TAFA2: variants seen among roughly 807,000 people sequenced by gnomAD.
The protein encoded by TAFA2 is chemokine-like protein TAFA-2.
TAFA2 carries 7 observed loss-of-function variants against 18.8 expected under a neutral mutation model. That is an observed-to-expected ratio of 0.37 (90% CI 0.21 to 0.70). TAFA2 has a LOEUF of 0.70. Ranked by LOEUF, TAFA2 falls within the 30% of genes least tolerant of loss-of-function variation. The pLI is 0.53. For missense variants in TAFA2, 122 were observed against 158.1 expected, an observed-to-expected ratio of 0.77 and a Z score of 1.23; for synonymous variants, 60 against 54.2, an observed-to-expected ratio of 1.11 and a Z score of -0.47.
chr12:61,817,299 A>G (rs1427773006), intron 2 of TAFA2, among the ~76,000 whole-genome samples: 1 of 152,122 alleles, frequency 6.6e-6, no homozygotes, highest in African/African-American at 2.4e-5. Flanking sequence ...TATTTTCCTA[A>G]CCTACCTTCA....
chr12:62,104,880 T>G (rs1592337816), intron 1 of TAFA2: 1 of 310,216 alleles, frequency 3.2e-6, no homozygotes, highest in Non-Finnish European at 6.5e-6. Context: ...GAGATTGAGT[T>G]GCTATCTCCC....
At chr12:61,811,692 C>T (rs2198778) in intron 2 of TAFA2, among the ~76,000 whole-genome samples, 151,291 of 151,300 alleles carry the variant, frequency 1, 75,641 homozygotes, top group Middle Eastern at 1. Context: ...GCATACTCTT[C>T]GTAGAAAATT....
At chr12:61,802,583 G>C (rs1871443481) in intron 2 of TAFA2, among the ~76,000 whole-genome samples, 1 of 151,962 alleles carries the variant, frequency 6.6e-6, no homozygotes, top group Non-Finnish European at 1.5e-5. Context: ...GAGTAGAACT[G>C]TGGTTATCAA....
At chr12:61,973,202 C>T (rs147721504) in intron 1 of TAFA2, among the ~76,000 whole-genome samples, 353 of 151,636 alleles carry the variant, frequency 2.3e-3, no homozygotes, top group Non-Finnish European at 3.2e-3. Context: ...CCTGTGAATG[C>T]AAATTAAAAG....
At chr12:61,783,619 A>G (rs1452246315) in intron 2 of TAFA2, among the ~76,000 whole-genome samples, 1 of 151,624 alleles carries the variant, frequency 6.6e-6, no homozygotes, top group Non-Finnish European at 1.5e-5. Context: ...AATGTTACTT[A>G]CTTTATTAAT....
At chr12:61,922,662 C>T (rs1320682862) in intron 1 of TAFA2, among the ~76,000 whole-genome samples, 1 of 152,186 alleles carries the variant, frequency 6.6e-6, no homozygotes, top group East Asian at 1.9e-4. Context: ...AAGCACAAAA[C>T]AGGGCGACCA....
chr12:62,146,853 G>A (rs2062285091), intron 1 of TAFA2, among the ~76,000 whole-genome samples: 1 of 151,928 alleles, frequency 6.6e-6, no homozygotes, highest in South Asian at 2.1e-4. Flanking sequence ...TCTTCTTTTG[G>A]GAGCTTTAAA....
intron 1 of TAFA2, among the ~76,000 whole-genome samples, chr12:61,904,030 CTCT>C (rs1207466252): frequency 2.6e-5 from 4 of 152,126 alleles, no homozygotes; most frequent in Non-Finnish European, 4.4e-5. Flanking sequence ...ATCTTCAAAG[CTCT>C]TCTTTTCAGA....
chr12:61,992,097 G>A (rs1446011225), intron 1 of TAFA2, among the ~76,000 whole-genome samples: 1 of 152,068 alleles, frequency 6.6e-6, no homozygotes, highest in Non-Finnish European at 1.5e-5. Flanking sequence ...CTATTATGCA[G>A]TCTTAAAAAA....
chr12:61,937,891 C>A (rs1877838073), intron 1 of TAFA2, among the ~76,000 whole-genome samples: 1 of 151,954 alleles, frequency 6.6e-6, no homozygotes, highest in Non-Finnish European at 1.5e-5. Context: ...AGAATATTAA[C>A]AAACTATGCC....
At chr12:61,818,800 T>C (rs988101794) in intron 2 of TAFA2, among the ~76,000 whole-genome samples, 16 of 152,228 alleles carry the variant, frequency 1.1e-4, no homozygotes, top group Non-Finnish European at 1.5e-5. Flanking sequence ...TATAATTTTG[T>C]TGTATGTCAA....
rs1483694143 is a variant in TAFA2 at position 61,880,225 on chromosome 12, G to A, written c.-1-12799C>T. On this transcript the variant is annotated intron_variant, in intron 1 of 4. Coordinates refer to ENST00000416284, the MANE Select transcript of TAFA2 (RefSeq NM_178539.5). Reference sequence around the variant, plus strand: ...CCAGGAAGCACGGGGATAACCTGAGGTGTACAAAGACTGACATCTCCGAGA... The same window carrying A: ...CCAGGAAGCACGGGGATAACCTGAGATGTACAAAGACTGACATCTCCGAGA... 11 of 490,912 alleles carry A rather than the reference G, an allele frequency of 2.2e-5. No individual in the cohort carries two copies. The Middle Eastern group carries it at 2.6e-3, about 115-fold the overall frequency. The allele number at this position is 490,912 out of a possible 1,614,324, so 30.4% of individuals were successfully genotyped here. A position where few individuals can be genotyped will look rare whatever the true frequency, so the allele number is the denominator to read the frequency against.
intron 1 of TAFA2, among the ~76,000 whole-genome samples, chr12:62,040,627 C>G (rs528664077): frequency 2.6e-5 from 4 of 152,180 alleles, no homozygotes; most frequent in African/African-American, 9.6e-5. Context: ...CTGTGCAACA[C>G]CTTGATTTTG....
chr12:62,221,216 GGGAAGGAAGGAA>G lies in TAFA2; in HGVS notation c.-130+37535_-130+37546del, dbSNP rs371693194. Among the ~76,000 whole-genome samples the G allele has an allele frequency of 9.1e-3, 721 of 78,836 alleles. 8 individuals are homozygous for G. Among genetic ancestry groups the G allele is most frequent in the African/African-American group, 0.029 (617 of 21,120 alleles). 51.7% of individuals were successfully genotyped at this position (78,836 alleles called of 152,430 possible). ...AAGGAAGGAGGGAAGGAAGGAAGGG[GGGAAGGAAGGAA>G]GGAAGGAAGGAAGGAAGGAAGGAAG... On this transcript the variant is annotated intron_variant, in intron 1 of 5. Transcript: ENST00000551619.
chr12:62,026,874 T>A (rs1478026343), intron 1 of TAFA2, among the ~76,000 whole-genome samples: 1 of 152,144 alleles, frequency 6.6e-6, no homozygotes, highest in Non-Finnish European at 1.5e-5. Flanking sequence ...TTAAACAGCA[T>A]GAGATAAATC....
intron 1 of TAFA2, among the ~76,000 whole-genome samples, chr12:62,123,247 C>T (rs1322148486): frequency 6.6e-6 from 1 of 152,154 alleles, no homozygotes; most frequent in Non-Finnish European, 1.5e-5. Flanking sequence ...GCACTAGAAG[C>T]TCAATAAGTC....
At chr12:61,793,983 C>G (rs1023383490) in intron 2 of TAFA2, among the ~76,000 whole-genome samples, 1 of 151,784 alleles carries the variant, frequency 6.6e-6, no homozygotes, top group African/African-American at 2.4e-5. Context: ...AAACTTTTGA[C>G]AAAATACAAT....
intron 2 of TAFA2, among the ~76,000 whole-genome samples, chr12:61,818,738 A>T (rs571324429): frequency 1.3e-5 from 2 of 152,294 alleles, no homozygotes; most frequent in South Asian, 4.1e-4. Context: ...TTTAATATCC[A>T]AAGACTCTAT....
intron 2 of TAFA2, among the ~76,000 whole-genome samples, chr12:61,794,947 G>A (rs910095071): frequency 5.9e-5 from 9 of 152,140 alleles, no homozygotes; most frequent in Non-Finnish European, 1.5e-5. Flanking sequence ...CTCAAAAGAA[G>A]ACATTTATGC....
Sources: gnomAD v4.1 joint callset for allele counts (sites outside exome capture counted in the v4.1 genomes callset) on GRCh38, gnomAD v4.1.1 for gene constraint, MANE v1.5 for transcripts, NCBI Gene and HGNC (gene_info 2026-07-23, HGNC 2026-07-21) for gene names.